The following GABRB1 variants were observed in gnomAD, a reference collection of about 807,000 sequenced individuals.
GABRB1 encodes the protein gamma-aminobutyric acid type A receptor subunit beta1, also known as gamma-aminobutyric acid receptor subunit beta-1.
Under a neutral mutation model 51.6 loss-of-function variants are expected in GABRB1, and 17 were observed. That is an observed-to-expected ratio of 0.33 (90% CI 0.23 to 0.49). GABRB1 has a LOEUF of 0.49. Ranked by LOEUF, GABRB1 falls within the 20% of genes least tolerant of loss-of-function variation. The pLI is 0.99. For synonymous variants in GABRB1, 247 were observed against 218.9 expected (o/e 1.13, Z -1.14); for missense variants, 410 against 600.6 (o/e 0.68, Z 3.32).
rs1177982929 is a variant in GABRB1, at chr4:47,125,579, G to A, written c.241-35670G>A. 9.9e-4 allele frequency among the ~76,000 whole-genome samples: 11 copies of A among 11,060 alleles called. No individual in the cohort carries two copies. The East Asian group carries it at 0.073, about 74-fold the overall frequency. 7.3% of individuals were successfully genotyped at this position (11,060 alleles called of 152,430 possible). A position where few individuals can be genotyped will look rare whatever the true frequency, so the allele number is the denominator to read the frequency against. On this transcript the variant is annotated intron_variant, in intron 3 of 8. Coordinates refer to ENST00000295454, the MANE Select transcript of GABRB1 (RefSeq NM_000812.4). ...AATTTCTTTTTTTTTTTTTTGAGAC[G>A]GAGTCTCGCTCTGTCGCCCAGGCTG... is the stretch of plus-strand genomic sequence containing the variant.
chr4:47,300,231 A>G (rs1724204947), intron 4 of GABRB1, among the ~76,000 whole-genome samples: 1 of 152,102 alleles, frequency 6.6e-6, no homozygotes, highest in East Asian at 1.9e-4. Flanking sequence ...CCTAAGACCT[A>G]AAGTATAATA....
At chr4:47,242,488 C>T (rs978758676) in intron 4 of GABRB1, among the ~76,000 whole-genome samples, 2 of 152,150 alleles carry the variant, frequency 1.3e-5, no homozygotes, top group African/African-American at 2.4e-5. Context: ...GTTGAACTAG[C>T]TTACAGTCCC....
chr4:47,265,606 G>C (rs1224217080), intron 4 of GABRB1, among the ~76,000 whole-genome samples: 1 of 152,030 alleles, frequency 6.6e-6, no homozygotes, highest in Admixed American at 6.6e-5. Flanking sequence ...CAACATCTAT[G>C]ATTTTTGACT....
chr4:47,225,766 T>C (rs1446680048), intron 4 of GABRB1, among the ~76,000 whole-genome samples: 3 of 152,194 alleles, frequency 2.0e-5, no homozygotes, highest in Non-Finnish European at 2.9e-5. Flanking sequence ...TTAGATCTGT[T>C]AATCACCATG....
chr4:47,223,323 C>T (rs906800535), intron 4 of GABRB1, among the ~76,000 whole-genome samples: 4 of 151,758 alleles, frequency 2.6e-5, no homozygotes, highest in South Asian at 2.1e-4. Context: ...TGTGTATGTG[C>T]GATGAAAGAT....
At chr4:47,069,250 C>G (rs1424932797) in intron 3 of GABRB1, among the ~76,000 whole-genome samples, 4 of 152,178 alleles carry the variant, frequency 2.6e-5, no homozygotes, top group Admixed American at 2.0e-4. Flanking sequence ...CCCTGAGTCA[C>G]TACAGATAAC....
chr4:47,289,921 G>C (rs1723659710), intron 4 of GABRB1, among the ~76,000 whole-genome samples: 1 of 152,096 alleles, frequency 6.6e-6, no homozygotes, highest in Non-Finnish European at 1.5e-5. Context: ...TGTGATTCAG[G>C]ACACTTCTAA....
chr4:47,182,338 T>C (rs1289399341), intron 4 of GABRB1, among the ~76,000 whole-genome samples: 1 of 151,936 alleles, frequency 6.6e-6, no homozygotes, highest in Admixed American at 6.6e-5. Context: ...GGTTTCACAC[T>C]GCAGAAAAAA....
intron 1 of GABRB1, among the ~76,000 whole-genome samples, chr4:47,020,749 C>T (rs1724905818): frequency 6.6e-6 from 1 of 152,168 alleles, no homozygotes; most frequent in Non-Finnish European, 1.5e-5. Flanking sequence ...CCACCCTTGC[C>T]CTCTAATAGT....
chr4:47,134,485 T>G (rs1012154366), intron 3 of GABRB1, among the ~76,000 whole-genome samples: 2 of 152,114 alleles, frequency 1.3e-5, no homozygotes, highest in East Asian at 1.9e-4. Context: ...TTTCAAATAT[T>G]AATGAGAGGA....
chr4:47,411,830 G>A (rs181213808), intron 8 of GABRB1, among the ~76,000 whole-genome samples: 14 of 152,200 alleles, frequency 9.2e-5, no homozygotes, highest in Middle Eastern at 3.4e-3. Flanking sequence ...TTGATATAGT[G>A]TATAAAGAAA....
At chr4:47,056,705 C>G (rs1296142835) in intron 3 of GABRB1, among the ~76,000 whole-genome samples, 2 of 152,188 alleles carry the variant, frequency 1.3e-5, no homozygotes, top group Non-Finnish European at 2.9e-5. Flanking sequence ...AGGATGTGAG[C>G]TGACATGATG....
At chr4:47,319,051 A>G (rs1202227646) in intron 4 of GABRB1, among the ~76,000 whole-genome samples, 2 of 152,204 alleles carry the variant, frequency 1.3e-5, no homozygotes, top group Non-Finnish European at 2.9e-5. Flanking sequence ...ATGCATCATG[A>G]ATTTGCTTCT....
At chr4:47,251,697 C>T (rs1289327575) in intron 4 of GABRB1, among the ~76,000 whole-genome samples, 1 of 152,052 alleles carries the variant, frequency 6.6e-6, no homozygotes, top group Non-Finnish European at 1.5e-5. Context: ...ACAGAAAGGC[C>T]AGGTCAATGG....
intron 4 of GABRB1, among the ~76,000 whole-genome samples, chr4:47,251,352 G>T (rs904891913): frequency 1.5e-4 from 23 of 152,192 alleles, no homozygotes; most frequent in Admixed American, 9.8e-4. Flanking sequence ...GGAGGTGGCA[G>T]GGGGATGCAT....
intron 4 of GABRB1, among the ~76,000 whole-genome samples, chr4:47,306,258 G>A (rs1326083589): frequency 1.5e-5 from 2 of 129,550 alleles, no homozygotes; most frequent in African/African-American, 5.8e-5. Context: ...CAATTGACAA[G>A]AAAAAAAAAA....
intron 5 of GABRB1, among the ~76,000 whole-genome samples, chr4:47,359,501 A>G (rs949781182): frequency 4.6e-5 from 7 of 152,136 alleles, no homozygotes; most frequent in African/African-American, 1.7e-4. Context: ...CCTAATAATC[A>G]TAGAGAGTAC....
chr4:47,003,779 C>G (rs981594676), intron 1 of GABRB1, among the ~76,000 whole-genome samples: 5 of 152,160 alleles, frequency 3.3e-5, no homozygotes, highest in Non-Finnish European at 7.3e-5. Flanking sequence ...TCCAGTGAGG[C>G]GTTTATTCTG....
rs185456655 is a variant in GABRB1, at chr4:47,169,612, C to T, written c.461+8143C>T. Among the ~76,000 whole-genome samples the T allele has an allele frequency of 2.0e-5, 3 of 152,218 alleles. No individual in the cohort carries two copies. The East Asian group carries it at 5.8e-4, about 29-fold the overall frequency. On this transcript the variant is annotated intron_variant, in intron 4 of 8. Transcript: ENST00000295454. ...TGCCTCCCAGGTTCAAGCGATTCTC[C>T]TGCCTCAGCCTCCCGAGTAGCTGGG... is the stretch of plus-strand genomic sequence containing the variant.
Sources: allele counts gnomAD v4.1 joint callset (sites outside exome capture counted in the v4.1 genomes callset), GRCh38; gene constraint gnomAD v4.1.1; transcripts MANE v1.5; gene names NCBI Gene and HGNC (gene_info 2026-07-23, HGNC 2026-07-21).